TGM2: variants seen among roughly 807,000 people sequenced by gnomAD.
TGM2 encodes the protein transglutaminase 2.
TGM2 carries 53 observed loss-of-function variants against 75.6 expected under a neutral mutation model. The ratio of observed to expected loss-of-function variants is 0.70; its 90% CI spans 0.56 to 0.88. TGM2 has a LOEUF of 0.88. TGM2 is among the 40% of genes least tolerant of loss of function. The probability of loss-of-function intolerance (pLI) is 0.00; values close to 1 mark genes in which losing one functional copy is unlikely to be tolerated. For synonymous variants in TGM2, 374 were observed against 381.1 expected (o/e 0.98, Z 0.22); for missense variants, 842 against 928.5 (o/e 0.91, Z 1.21).
chr20:38,161,798 T>C (rs1394367009), intron 1 of TGM2, among the ~76,000 whole-genome samples, 199 bp from the exon 2 acceptor site: 1 of 152,194 alleles, frequency 6.6e-6, no homozygotes, highest in Non-Finnish European at 1.5e-5. Context: ...CTTTTTTTTC[T>C]TTTTAATTTA....
intron 9 of TGM2, 43 bp from the exon 10 acceptor site, chr20:38,138,428 A>C (rs1482168905): frequency 1.2e-5 from 20 of 1,612,202 alleles, no homozygotes; most frequent in Non-Finnish European, 1.7e-5. Flanking sequence ...GCTGGAATAG[A>C]TCACAGGAAG....
intron 2 of TGM2, among the ~76,000 whole-genome samples, chr20:38,158,881 G>A (rs923596189): frequency 2.0e-5 from 3 of 152,210 alleles, no homozygotes; most frequent in Non-Finnish European, 4.4e-5. Context: ...CTGGAGTTGG[G>A]GGAGGGCCTG....
chr20:38,148,153 C>T (rs540674050), intron 4 of TGM2, 64 bp from the exon 5 acceptor site: 9 of 1,605,894 alleles, frequency 5.6e-6, no homozygotes, highest in East Asian at 4.5e-5. Flanking sequence ...AGGAAGCCTG[C>T]GTTGAAGCCT....
Position 38,129,450 on chromosome 20 carries a change from C to G in TGM2, c.*769G>C, listed in dbSNP as rs1477194960. ...GGACTCAGAGTCAGAGGCCCAGACTCTGCTCTTGGGCCTTCACATTACCCA... is the reference window on the plus strand; with the variant it reads ...GGACTCAGAGTCAGAGGCCCAGACTGTGCTCTTGGGCCTTCACATTACCCA... On this transcript the variant is annotated 3_prime_UTR_variant, in exon 13 of 13. Transcript: ENST00000361475. 2 of 152,278 alleles carry G rather than the reference C, an allele frequency of 1.3e-5. No homozygotes were observed. Among genetic ancestry groups the G allele is most frequent in the African/African-American group, 4.8e-5 (2 of 41,472 alleles). The allele number at this position is 152,278 out of a possible 1,614,324, so 9.4% of individuals were successfully genotyped here.
In TGM2 at chr20:38,130,208, G is replaced by T. The variant is rs767076956; in HGVS notation, c.*11C>A. 4 of 1,613,268 alleles carry T rather than the reference G, an allele frequency of 2.5e-6. No homozygotes were observed. Among genetic ancestry groups the T allele is most frequent in the Non-Finnish European group, 2.5e-6 (3 of 1,179,860 alleles). ...GGTGGGGGCTCTCAGCAGGCTGGGA[G>T]CAGGGGTCCCTTAGGCGGGGCCAAT... On this transcript the variant is annotated 3_prime_UTR_variant, in exon 13 of 13. Transcript: ENST00000361475.
chr20:38,146,975 G>A lies in TGM2; in HGVS notation c.682-81C>T, dbSNP rs1381470497. 6 of 1,484,242 alleles carry A rather than the reference G, an allele frequency of 4.0e-6. No homozygotes were observed. The East Asian group carries it at 1.4e-4, about 36-fold the overall frequency. 91.9% of individuals were successfully genotyped at this position (1,484,242 alleles called of 1,614,324 possible). ...CGCCTGGGTGAGCCTGAGTACAGCA[G>A]GGGGTGAAAGCTGGGGAGGGGAGCT... On this transcript the variant is annotated intron_variant, in intron 5 of 12. Coordinates refer to ENST00000361475, the MANE Select transcript of TGM2 (RefSeq NM_004613.4).
intron 7 of TGM2, 152 bp downstream of exon 7, chr20:38,141,912 C>G: frequency 2.2e-6 from 2 of 896,902 alleles, no homozygotes; most frequent in Non-Finnish European, 3.5e-6. Context: ...ATGTGGTTGA[C>G]TTTCCCTCTA....
upstream of TGM2, chr20:38,166,452 T>C (rs1278017735): frequency 1.3e-5 from 2 of 151,722 alleles, no homozygotes; most frequent in African/African-American, 4.8e-5. Context: ...CCAGGGGTCC[T>C]ATCTCTCATC....
intron 2 of TGM2, among the ~76,000 whole-genome samples, chr20:38,156,898 A>G (rs2075194931): frequency 6.6e-6 from 1 of 152,204 alleles, no homozygotes; most frequent in South Asian, 2.1e-4. Flanking sequence ...GTTGTCTTCT[A>G]CGGTGCCTCT....
chr20:38,154,827 C>A (rs1363073537), intron 3 of TGM2, among the ~76,000 whole-genome samples: 1 of 152,146 alleles, frequency 6.6e-6, no homozygotes, highest in African/African-American at 2.4e-5. Context: ...CCACCTCAGC[C>A]GGGCACGGTG....
chr20:38,155,289 C>T (rs564233600), intron 3 of TGM2, among the ~76,000 whole-genome samples: 3 of 152,144 alleles, frequency 2.0e-5, no homozygotes, highest in Non-Finnish European at 2.9e-5. Context: ...CCTCAAACAG[C>T]GAGTGAAGTC....
rs1600514129 is a variant in TGM2 at position 38,156,014 on chromosome 20, G to A, written c.266C>T (p.Thr89Ile). 3 of 1,613,688 alleles carry A rather than the reference G, an allele frequency of 1.9e-6. No homozygotes were observed. The highest frequency in any genetic ancestry group is 2.5e-6 in the Non-Finnish European group (3 of 1,179,958). The change falls in exon 3 of 13, where the codon ACA (threonine) becomes ATA (isoleucine). Residue 89 changes from threonine to isoleucine, a missense_variant. Thr to Ile is a moderately conservative substitution (Grantham distance 89, BLOSUM62 -1). Coordinates refer to ENST00000361475, the MANE Select transcript of TGM2 (RefSeq NM_004613.4). ...LRDAVEEGDWTATVVDQQDCT... is the reference protein window; with the variant it reads ...LRDAVEEGDWIATVVDQQDCT... ...GTCTTGCTGGTCCACCACGGTGGCT[G>A]TCCAGTCACCCTCCTCCACAGCATC...
chr20:38,165,172 G>A lies in TGM2; in HGVS notation c.10+17C>T, dbSNP rs771396773. The A allele has an allele frequency of 5.0e-6, 8 of 1,613,408 alleles. No homozygotes were observed. In the Admixed American group the frequency reaches 5.0e-5, roughly 10 times the overall value. On this transcript the variant is annotated intron_variant, in intron 1 of 12. Coordinates refer to ENST00000361475, the MANE Select transcript of TGM2 (RefSeq NM_004613.4). ...CCGGGGCCCCTGAGTGGCGGCTGCGGTGACTCTGATACTCACCCTCGGCCA... is the reference window on the plus strand; with the variant it reads ...CCGGGGCCCCTGAGTGGCGGCTGCGATGACTCTGATACTCACCCTCGGCCA...
At chr20:38,132,667 C>T (rs773699013) in intron 10 of TGM2, 167 bp from the exon 11 acceptor site, 22 of 935,022 alleles carry the variant, frequency 2.4e-5, no homozygotes, top group Middle Eastern at 4.1e-4. Context: ...GGGTTCCCAG[C>T]GAGGAGCTGG....
chr20:38,143,891 G>T (rs2075010536), intron 6 of TGM2, among the ~76,000 whole-genome samples: 1 of 152,194 alleles, frequency 6.6e-6, no homozygotes, highest in South Asian at 2.1e-4. Flanking sequence ...CTTACTGGTT[G>T]GCCCTGGATT....
chr20:38,132,583 G>A, intron 10 of TGM2, 83 bp from the exon 11 acceptor site: 3 of 1,561,096 alleles, frequency 1.9e-6, no homozygotes, highest in Non-Finnish European at 2.6e-6. Context: ...GCACAGAGAG[G>A]GGAAGGAATG....
chr20:38,153,528 A>AAAAAAAG lies in TGM2; in HGVS notation c.433+2318_433+2319insCTTTTTT, dbSNP rs56670550. Among the ~76,000 whole-genome samples the AAAAAAAG allele has an allele frequency of 9.9e-3, 1,241 of 125,270 alleles. 32 individuals are homozygous for AAAAAAAG. Among genetic ancestry groups the AAAAAAAG allele is most frequent in the Middle Eastern group, 0.024 (6 of 252 alleles). The allele number at this position is 125,270 out of a possible 152,430, so 82.2% of individuals were successfully genotyped here. A position where few individuals can be genotyped will look rare whatever the true frequency, so the allele number is the denominator to read the frequency against. ...TGACAGAGAGAGCCTTGGTCTCAAA[A>AAAAAAAG]AAAAGAAAAAAAAAAAAAGAATGAA... On this transcript the variant is annotated intron_variant, in intron 3 of 12. Coordinates refer to ENST00000361475, the MANE Select transcript of TGM2 (RefSeq NM_004613.4).
chr20:38,161,840 C>T (rs1668153242), intron 1 of TGM2, among the ~76,000 whole-genome samples: 1 of 152,174 alleles, frequency 6.6e-6, no homozygotes, highest in African/African-American at 2.4e-5. Context: ...GTTGCCCAGG[C>T]TGGAGTGCAG....
intron 10 of TGM2, chr20:38,133,203 C>T (rs1326182090): frequency 4.4e-6 from 1 of 225,540 alleles, no homozygotes; most frequent in African/African-American, 2.2e-5. Context: ...AGGTCATTTC[C>T]CTCCACGAGG....
Sources: gnomAD v4.1 joint callset for allele counts (sites outside exome capture counted in the v4.1 genomes callset) on GRCh38, gnomAD v4.1.1 for gene constraint, MANE v1.5 for transcripts, NCBI Gene and HGNC (gene_info 2026-07-23, HGNC 2026-07-21) for gene names.